SCTR: variants seen among roughly 807,000 people sequenced by gnomAD.
The protein encoded by SCTR is pancreatic secretin receptor.
SCTR carries 56 observed loss-of-function variants against 60.8 expected under a neutral mutation model. That is an observed-to-expected ratio of 0.92 (90% CI 0.74 to 1.15). The LOEUF (loss-of-function observed/expected upper bound fraction) is 1.15. Ranked by LOEUF, SCTR falls within the 50% of genes most tolerant of loss-of-function variation. The pLI, the probability that SCTR is intolerant of heterozygous loss-of-function variation, is 0.00. For missense variants in SCTR, 562 were observed against 550.4 expected (o/e 1.02, Z -0.21); for synonymous variants, 202 against 217.0 (o/e 0.93, Z 0.61).
chr2:119,516,562 G>T (rs999808631), intron 1 of SCTR, among the ~76,000 whole-genome samples: 2 of 152,184 alleles, frequency 1.3e-5, no homozygotes, highest in African/African-American at 4.8e-5. Flanking sequence ...GGGCCTGGGA[G>T]GGGGTGGGAA....
intron 1 of SCTR, among the ~76,000 whole-genome samples, chr2:119,505,472 T>TA (rs559610337): frequency 7.1e-6 from 1 of 141,630 alleles, no homozygotes; most frequent in Non-Finnish European, 1.5e-5. Flanking sequence ...TAAAGTATAA[T>TA]AAAAAAAAGA....
chr2:119,462,189 T>G (rs989808742), intron 6 of SCTR, among the ~76,000 whole-genome samples, 189 bp from the exon 7 acceptor site: 5 of 152,006 alleles, frequency 3.3e-5, no homozygotes, highest in Non-Finnish European at 5.9e-5. Context: ...AGAGTAGGAG[T>G]CCACAGGCCT....
chr2:119,474,676 G>A (rs1335649294), intron 3 of SCTR, among the ~76,000 whole-genome samples: 1 of 152,212 alleles, frequency 6.6e-6, no homozygotes, highest in Non-Finnish European at 1.5e-5. Flanking sequence ...ACAGGGTTTA[G>A]GGTCTAATCC....
chr2:119,448,123 G>T (rs1251564899), intron 10 of SCTR, among the ~76,000 whole-genome samples: 3 of 152,168 alleles, frequency 2.0e-5, no homozygotes, highest in Non-Finnish European at 4.4e-5. Flanking sequence ...ACCCTGTGAG[G>T]ACACAGCAAG....
At chr2:119,467,903 G>A (rs1187169549) in intron 4 of SCTR, among the ~76,000 whole-genome samples, 1 of 151,794 alleles carries the variant, frequency 6.6e-6, no homozygotes, top group East Asian at 1.9e-4. Flanking sequence ...AACATATTAG[G>A]GAATTATATG....
chr2:119,440,073 G>A lies in SCTR; in HGVS notation c.*44C>T, dbSNP rs781257471. 1.3e-6 allele frequency: 2 copies of A among 1,584,684 alleles called. No homozygotes were observed. The highest frequency in any genetic ancestry group is 2.3e-5 in the East Asian group (1 of 44,386). On this transcript the variant is annotated 3_prime_UTR_variant, in exon 13 of 13. Transcript: ENST00000019103. ...CCACAGCAGTGCCCAGCCTTCGCAG[G>A]ACCTCTCTTGGTCTCTGTCCGTGGG...
intron 2 of SCTR, among the ~76,000 whole-genome samples, chr2:119,490,668 T>C (rs954445215): frequency 6.6e-6 from 1 of 152,226 alleles, no homozygotes; most frequent in Admixed American, 6.5e-5. Flanking sequence ...CTCATCACCA[T>C]GTGTGGTCAG....
chr2:119,508,345 T>G (rs1012171474), intron 1 of SCTR, among the ~76,000 whole-genome samples: 4 of 151,496 alleles, frequency 2.6e-5, no homozygotes, highest in Admixed American at 2.6e-4. Flanking sequence ...TTCTAAAAAT[T>G]TTCTTTTTCT....
chr2:119,516,310 G>A (rs543632547), intron 1 of SCTR, among the ~76,000 whole-genome samples: 1 of 152,308 alleles, frequency 6.6e-6, no homozygotes, highest in South Asian at 2.1e-4. Context: ...AGATGTGGGA[G>A]CAACTTACGT....
chr2:119,455,281 C>T (rs1017343505), intron 7 of SCTR, among the ~76,000 whole-genome samples: 1 of 152,174 alleles, frequency 6.6e-6, no homozygotes, highest in Admixed American at 6.5e-5. Context: ...CATGGGGGGA[C>T]CCCCCAACAC....
chr2:119,449,930 TGAA>T (rs1189948845), intron 9 of SCTR, among the ~76,000 whole-genome samples: 1 of 120,070 alleles, frequency 8.3e-6, no homozygotes, highest in Non-Finnish European at 1.6e-5. Context: ...AGGGAGCACT[TGAA>T]GACAAAAAAA....
intron 1 of SCTR, among the ~76,000 whole-genome samples, chr2:119,511,023 C>T (rs1678912062): frequency 6.6e-6 from 1 of 151,888 alleles, no homozygotes; most frequent in African/African-American, 2.4e-5. Context: ...CGGTGAAACC[C>T]CGTCTCTACT....
chr2:119,442,130 A>G (rs1325673336), intron 11 of SCTR, among the ~76,000 whole-genome samples: 1 of 152,238 alleles, frequency 6.6e-6, no homozygotes, highest in African/African-American at 2.4e-5. Context: ...CTCCCTGCTT[A>G]ATGGACAGGT....
At chr2:119,520,699 T>C (rs1215758034) in intron 1 of SCTR, among the ~76,000 whole-genome samples, 1 of 152,112 alleles carries the variant, frequency 6.6e-6, no homozygotes, top group African/African-American at 2.4e-5. Flanking sequence ...GGGAAAAAGA[T>C]GGGAAGGGAG....
chr2:119,457,640 G>A (rs1291317058), intron 7 of SCTR, among the ~76,000 whole-genome samples: 1 of 152,174 alleles, frequency 6.6e-6, no homozygotes, highest in Non-Finnish European at 1.5e-5. Context: ...TTGAGCCCAG[G>A]AGCTTGAGGT....
chr2:119,500,321 C>CA (rs1321374505), intron 1 of SCTR, among the ~76,000 whole-genome samples: 2 of 152,056 alleles, frequency 1.3e-5, no homozygotes, highest in African/African-American at 4.8e-5. Flanking sequence ...GGAGGTTTCT[C>CA]AAAAAACTAA....
At position 119,461,914 on chromosome 2, in the gene SCTR, G is replaced by A. The variant is rs1683622426; in HGVS notation, c.723C>T (p.His241=). ...AGAAGAAGGAGATGGCGAGGAGTGT[G>A]TGAAGGTAGAGGCCTTCCACCAGCA... ...SWLLVEGLYL[H]TLLAISFFSE... is the part of the protein sequence containing the mutation. The change falls in exon 7 of 13, where the codon CAC becomes CAT. Residue 241 remains histidine, a synonymous_variant. Coordinates refer to ENST00000019103, the MANE Select transcript of SCTR (RefSeq NM_002980.3). 6.2e-7 allele frequency: 1 copy of A among 1,613,922 alleles called. No individual in the cohort carries two copies. The highest frequency in any genetic ancestry group is 1.3e-5 in the African/African-American group (1 of 74,904).
At chr2:119,509,561 C>T (rs142926593) in intron 1 of SCTR, among the ~76,000 whole-genome samples, 17 of 152,286 alleles carry the variant, frequency 1.1e-4, no homozygotes, top group African/African-American at 3.4e-4. Context: ...GTTCAACTTC[C>T]TTGGCGATTT....
intron 6 of SCTR, among the ~76,000 whole-genome samples, chr2:119,462,950 G>A (rs1459100345): frequency 2.6e-5 from 4 of 152,176 alleles, no homozygotes; most frequent in Non-Finnish European, 4.4e-5. Flanking sequence ...GTAATGAAGC[G>A]TGGCTAGGAT....
Sources: allele counts gnomAD v4.1 joint callset (sites outside exome capture counted in the v4.1 genomes callset), GRCh38; gene constraint gnomAD v4.1.1; transcripts MANE v1.5; gene names NCBI Gene and HGNC (gene_info 2026-07-23, HGNC 2026-07-21).